Variants in REDIC1 observed in about 807,000 individuals in gnomAD.
REDIC1 encodes HEI10 Interacting Protein 1.
At chr12:39,837,735 A>G in the REDIC1 span, among the ~76,000 whole-genome samples, 31 of 152,238 alleles carry the variant, frequency 2.0e-4, no homozygotes, top group Non-Finnish European at 3.7e-4. Context: ...AAAACACATG[A>G]AAAAATGCTC....
At chr12:39,803,814 T>C in the REDIC1 span, among the ~76,000 whole-genome samples, 2 of 152,240 alleles carry the variant, frequency 1.3e-5, no homozygotes, top group East Asian at 3.9e-4. Context: ...TGGTAAGTAA[T>C]ATCTGAAAAT....
the REDIC1 span, among the ~76,000 whole-genome samples, chr12:39,730,267 T>A: frequency 6.6e-6 from 1 of 152,204 alleles, no homozygotes; most frequent in African/African-American, 2.4e-5. Flanking sequence ...GTCTTTACAA[T>A]TTAGTACATT....
At chr12:39,747,205 A>G in the REDIC1 span, among the ~76,000 whole-genome samples, 1 of 152,224 alleles carries the variant, frequency 6.6e-6, no homozygotes, top group East Asian at 1.9e-4. Flanking sequence ...AGCTAACTAG[A>G]ATAACCAGTG....
the REDIC1 span, among the ~76,000 whole-genome samples, chr12:39,777,425 G>A: frequency 2.6e-5 from 4 of 152,216 alleles, no homozygotes; most frequent in African/African-American, 9.7e-5. Flanking sequence ...GTGCTGGGAA[G>A]GGAAAAGCAT....
At chr12:39,783,934 GACAA>G in the REDIC1 span, among the ~76,000 whole-genome samples, 4 of 152,118 alleles carry the variant, frequency 2.6e-5, no homozygotes, top group Non-Finnish European at 5.9e-5. Flanking sequence ...ACAAATAACA[GACAA>G]ACAGAGAGCC....
the REDIC1 span, among the ~76,000 whole-genome samples, chr12:39,847,899 C>T: frequency 0.2 from 29,940 of 152,044 alleles, 3,869 homozygotes; most frequent in Non-Finnish European, 0.27. Context: ...TACTTGTGTA[C>T]GGGTTCAAAA....
chr12:39,757,737 T>G, the REDIC1 span: 2 of 152,116 alleles, frequency 1.3e-5, no homozygotes, highest in South Asian at 4.1e-4. Context: ...GAAAACATTG[T>G]TTTCTTATAT....
At chr12:39,864,819 C>T in the REDIC1 span, 138 of 1,613,552 alleles carry the variant, frequency 8.6e-5, no homozygotes, top group Admixed American at 1.2e-4. Context: ...AAAAGTGATG[C>T]GTGGGGAAAC....
chr12:39,675,406 A>C, the REDIC1 span, among the ~76,000 whole-genome samples: 3 of 152,040 alleles, frequency 2.0e-5, no homozygotes, highest in Non-Finnish European at 4.4e-5. Flanking sequence ...AGAAACCTGA[A>C]AATTTATCCT....
At chr12:39,712,696 C>CAT in the REDIC1 span, among the ~76,000 whole-genome samples, 64 of 3,934 alleles carry the variant, frequency 0.016, no homozygotes, top group Non-Finnish European at 0.03. Flanking sequence ...TATACGTATA[C>CAT]GTGTATATAT....
chr12:39,665,044 T>C, the REDIC1 span, among the ~76,000 whole-genome samples: 36,264 of 152,196 alleles, frequency 0.24, 5,880 homozygotes, highest in Non-Finnish European at 0.34. Flanking sequence ...CTGATCATAG[T>C]TTCTTTTGCT....
the REDIC1 span, among the ~76,000 whole-genome samples, chr12:39,700,694 G>A: frequency 2.8e-4 from 43 of 151,968 alleles, no homozygotes; most frequent in African/African-American, 8.4e-4. Context: ...GAGAAAGGTC[G>A]GGTTACCCTC....
the REDIC1 span, among the ~76,000 whole-genome samples, chr12:39,652,566 C>A: frequency 6.6e-6 from 1 of 152,042 alleles, no homozygotes; most frequent in Non-Finnish European, 1.5e-5. Flanking sequence ...TTACTGGTAC[C>A]TTTTTGAAGT....
the REDIC1 span, among the ~76,000 whole-genome samples, chr12:39,817,832 G>T: frequency 6.6e-5 from 10 of 152,104 alleles, no homozygotes; most frequent in African/African-American, 2.2e-4. Flanking sequence ...TTCAAAGACG[G>T]TTCCTTGACC....
the REDIC1 span, among the ~76,000 whole-genome samples, chr12:39,649,717 T>C: frequency 6.6e-6 from 1 of 151,970 alleles, no homozygotes; most frequent in Non-Finnish European, 1.5e-5. Flanking sequence ...TATAATAAGT[T>C]ACATTTATAG....
At chr12:39,851,208 A>T in the REDIC1 span, among the ~76,000 whole-genome samples, 1 of 152,152 alleles carries the variant, frequency 6.6e-6, no homozygotes, top group Non-Finnish European at 1.5e-5. Flanking sequence ...CCAAAGTTAA[A>T]TGTTTATAGA....
At chr12:39,665,085 C>T in the REDIC1 span, among the ~76,000 whole-genome samples, 1 of 152,034 alleles carries the variant, frequency 6.6e-6, no homozygotes, top group East Asian at 1.9e-4. Context: ...AATTAGATCC[C>T]ATTTGTCAAT....
chr12:39,732,337 C>A, the REDIC1 span, among the ~76,000 whole-genome samples: 1 of 152,118 alleles, frequency 6.6e-6, no homozygotes, highest in Non-Finnish European at 1.5e-5. Context: ...TACAAATTGG[C>A]AGCTGTATCC....
chr12:39,749,639 C>A, the REDIC1 span, among the ~76,000 whole-genome samples: 59 of 152,134 alleles, frequency 3.9e-4, no homozygotes, highest in African/African-American at 1.4e-3. Context: ...GACCAATATC[C>A]CTGATGAACA....
Sources: allele counts gnomAD v4.1 joint callset (sites outside exome capture counted in the v4.1 genomes callset), GRCh38; gene constraint gnomAD v4.1.1; transcripts MANE v1.5; gene names NCBI Gene and HGNC (gene_info 2026-07-23, HGNC 2026-07-21).